SLC8A1: variants seen among roughly 807,000 people sequenced by gnomAD.
The protein encoded by SLC8A1 is sodium/calcium exchanger 1.
In SLC8A1, 18 loss-of-function variants were observed where a neutral mutation model predicts 68.3. The ratio of observed to expected loss-of-function variants is 0.26; its 90% CI spans 0.18 to 0.39. The LOEUF (loss-of-function observed/expected upper bound fraction) is 0.39, where lower values mean the gene tolerates loss of function less well. Among genes scored for constraint, SLC8A1 ranks in the 10% least tolerant of loss-of-function variants. SLC8A1 has a pLI of 1.00. For synonymous variants in SLC8A1, 475 were observed against 415.5 expected (o/e 1.14, Z -1.74); for missense variants, 985 against 1,156.7 (o/e 0.85, Z 2.15).
At position 40,489,085 on chromosome 2, in the gene SLC8A1, C is replaced by T. The variant is rs1705156595; in HGVS notation, c.-25+23264G>A. 2.0e-5 allele frequency among the ~76,000 whole-genome samples: 3 copies of T among 152,272 alleles called. No individual in the cohort carries two copies. The South Asian group carries it at 6.2e-4, about 32-fold the overall frequency. ...GGAACAGCATTAACTACTTTACCAACATTCTGTCATGTAACTGTTGCATCA... is the reference window on the plus strand; with the variant it reads ...GGAACAGCATTAACTACTTTACCAATATTCTGTCATGTAACTGTTGCATCA... On this transcript the variant is annotated intron_variant, in intron 1 of 7. Coordinates refer to the SLC8A1 transcript ENST00000402441.
At chr2:40,239,328 C>A (rs1453763974) in intron 2 of SLC8A1, among the ~76,000 whole-genome samples, 4 of 152,174 alleles carry the variant, frequency 2.6e-5, no homozygotes, top group Non-Finnish European at 4.4e-5. Context: ...GTGGCACACA[C>A]CAAGATCACT....
chr2:40,268,859 A>G (rs2065682308), intron 2 of SLC8A1, among the ~76,000 whole-genome samples: 1 of 152,152 alleles, frequency 6.6e-6, no homozygotes, highest in Admixed American at 6.5e-5. Flanking sequence ...CCAAAGGACA[A>G]AGTGTGGAAT....
At chr2:40,139,733 C>G in intron 6 of SLC8A1, 57 bp from the exon 10 acceptor site, 1 of 1,552,702 alleles carries the variant, frequency 6.4e-7, no homozygotes, top group Non-Finnish European at 8.8e-7. Flanking sequence ...GGGTCTTCCT[C>G]TCTCTCAATC....
chr2:40,389,644 T>C (rs989021424), intron 2 of SLC8A1, among the ~76,000 whole-genome samples: 2 of 151,844 alleles, frequency 1.3e-5, no homozygotes, highest in South Asian at 4.1e-4. Context: ...ATTACCCCCA[T>C]TCCCATGTTA....
At chr2:40,147,449 C>A (rs543853710) in intron 6 of SLC8A1, among the ~76,000 whole-genome samples, 10 of 152,126 alleles carry the variant, frequency 6.6e-5, no homozygotes, top group Non-Finnish European at 1.5e-4. Flanking sequence ...GACTTGAATA[C>A]CTAAGAAATA....
chr2:40,345,371 T>A (rs1423331541), intron 2 of SLC8A1, among the ~76,000 whole-genome samples: 1 of 152,074 alleles, frequency 6.6e-6, no homozygotes, highest in Non-Finnish European at 1.5e-5. Context: ...AAAATTGAAG[T>A]GTGATAGGGT....
At chr2:40,366,013 T>G (rs1676070304) in intron 2 of SLC8A1, among the ~76,000 whole-genome samples, 1 of 151,910 alleles carries the variant, frequency 6.6e-6, no homozygotes, top group Admixed American at 6.6e-5. Context: ...AAAATCATTT[T>G]TAAGATTAAG....
chr2:40,320,308 T>C (rs1231806425), intron 2 of SLC8A1, among the ~76,000 whole-genome samples: 1 of 152,142 alleles, frequency 6.6e-6, no homozygotes, highest in African/African-American at 2.4e-5. Context: ...AGATTAAATA[T>C]TAGCCAGGGA....
chr2:40,217,441 C>A (rs1574208907), intron 2 of SLC8A1, among the ~76,000 whole-genome samples: 2 of 152,214 alleles, frequency 1.3e-5, no homozygotes, highest in East Asian at 3.9e-4. Flanking sequence ...TGACCTGAAT[C>A]TTTCCTTTGG....
chr2:40,425,522 A>G (rs1696625616), intron 2 of SLC8A1, among the ~76,000 whole-genome samples: 1 of 151,868 alleles, frequency 6.6e-6, no homozygotes, highest in South Asian at 2.1e-4. Flanking sequence ...GGTGCTCTGG[A>G]AAGAATAATA....
intron 2 of SLC8A1, among the ~76,000 whole-genome samples, chr2:40,333,249 T>G (rs926745556): frequency 6.6e-6 from 1 of 151,920 alleles, no homozygotes; most frequent in African/African-American, 2.4e-5. Flanking sequence ...CCATCCTGGC[T>G]AACACGGTGA....
chr2:40,139,805 G>C, intron 6 of SLC8A1, 129 bp from the exon 10 acceptor site: 2 of 899,184 alleles, frequency 2.2e-6, no homozygotes, highest in East Asian at 2.4e-5. Flanking sequence ...GGTGGGTGAA[G>C]TTTAGGGTTT....
At chr2:40,422,542 T>A (rs1695812767) in intron 2 of SLC8A1, among the ~76,000 whole-genome samples, 1 of 152,140 alleles carries the variant, frequency 6.6e-6, no homozygotes, top group Admixed American at 6.6e-5. Flanking sequence ...AAAGAAAACC[T>A]CTTCCCATTT....
intron 2 of SLC8A1, among the ~76,000 whole-genome samples, chr2:40,376,264 T>G (rs1260855289): frequency 6.6e-6 from 1 of 152,142 alleles, no homozygotes; most frequent in African/African-American, 2.4e-5. Flanking sequence ...CCTCAACGGT[T>G]TCTGTCTCAG....
intron 2 of SLC8A1, chr2:40,254,278 A>G (rs2063504970): frequency 6.6e-6 from 1 of 152,224 alleles, no homozygotes; most frequent in African/African-American, 2.4e-5. Context: ...CCTTACATTA[A>G]CGGTCAAAAT....
chr2:40,441,902 C>A (rs922726722), intron 1 of SLC8A1, among the ~76,000 whole-genome samples: 13 of 151,588 alleles, frequency 8.6e-5, no homozygotes, highest in Admixed American at 8.5e-4. Context: ...CCAACAAAAG[C>A]CAAAATTGAC....
chr2:40,314,810 T>C (rs1256383198), intron 2 of SLC8A1, among the ~76,000 whole-genome samples: 1 of 152,102 alleles, frequency 6.6e-6, no homozygotes, highest in Non-Finnish European at 1.5e-5. Flanking sequence ...TTGTTTCTCG[T>C]ATTTAGAAAT....
chr2:40,330,429 GAAT>G (rs1220931167), intron 2 of SLC8A1, among the ~76,000 whole-genome samples: 2 of 152,148 alleles, frequency 1.3e-5, no homozygotes, highest in African/African-American at 2.4e-5. Context: ...ACCAACCAGT[GAAT>G]AATAAAGGCA....
At chr2:40,312,254 C>A (rs541362733) in intron 2 of SLC8A1, among the ~76,000 whole-genome samples, 2 of 152,082 alleles carry the variant, frequency 1.3e-5, no homozygotes, top group Non-Finnish European at 2.9e-5. Flanking sequence ...CTTTGAATCA[C>A]CTTCTTTGTT....
Sources: gnomAD v4.1 joint callset for allele counts (sites outside exome capture counted in the v4.1 genomes callset) on GRCh38, gnomAD v4.1.1 for gene constraint, MANE v1.5 for transcripts, NCBI Gene and HGNC (gene_info 2026-07-23, HGNC 2026-07-21) for gene names.